CCDC181: variants seen among roughly 807,000 people sequenced by gnomAD.
The protein encoded by CCDC181 is coiled-coil domain containing 181, also known as coiled-coil domain-containing protein 181.
In CCDC181, 35 loss-of-function variants were observed where a neutral mutation model predicts 58.7. The observed-to-expected ratio is 0.60, with a 90% confidence interval of 0.46 to 0.79. CCDC181 has a LOEUF of 0.79. Ranked by LOEUF, CCDC181 falls within the 30% of genes least tolerant of loss-of-function variation. CCDC181 has a pLI of 0.00. For synonymous variants in CCDC181, 183 were observed against 197.5 expected (o/e 0.93, Z 0.62); for missense variants, 517 against 583.9 (o/e 0.89, Z 1.18).
At chr1:169,443,144 T>A (rs942753677) in intron 2 of CCDC181, 1 of 151,746 alleles carries the variant, frequency 6.6e-6, no homozygotes, top group African/African-American at 2.4e-5. Flanking sequence ...AGACCTTAAG[T>A]TTGCCTTTAA....
chr1:169,417,256 T>C (rs1341906347), intron 4 of CCDC181, among the ~76,000 whole-genome samples: 1 of 152,172 alleles, frequency 6.6e-6, no homozygotes, highest in Non-Finnish European at 1.5e-5. Flanking sequence ...CAGATATCAA[T>C]CAAAAGCCTA....
At chr1:169,421,110 A>G (rs1341555232) in intron 3 of CCDC181, among the ~76,000 whole-genome samples, 1 of 152,204 alleles carries the variant, frequency 6.6e-6, no homozygotes, top group Non-Finnish European at 1.5e-5. Flanking sequence ...TGAAAGGATC[A>G]GATGAAGTCA....
intron 2 of CCDC181, among the ~76,000 whole-genome samples, chr1:169,432,648 TGCACCATG>T (rs924038891): frequency 6.6e-6 from 1 of 152,072 alleles, no homozygotes; most frequent in African/African-American, 2.4e-5. Context: ...ACAAAGATAC[TGCACCATG>T]GCCAAAAGTG....
intron 2 of CCDC181, among the ~76,000 whole-genome samples, chr1:169,446,920 TAA>T (rs1357205576): frequency 6.6e-6 from 1 of 152,216 alleles, no homozygotes; most frequent in African/African-American, 2.4e-5. Flanking sequence ...CGAATTTTGA[TAA>T]GTTGCATTTT....
chr1:169,438,337 C>T (rs916694743), intron 2 of CCDC181, among the ~76,000 whole-genome samples: 6 of 152,034 alleles, frequency 3.9e-5, no homozygotes, highest in South Asian at 2.1e-4. Flanking sequence ...CCCTTTCTGC[C>T]GGCATACTAG....
upstream of CCDC181, among the ~76,000 whole-genome samples, chr1:169,430,214 T>C (rs145324649): frequency 2.1e-3 from 314 of 152,308 alleles, 1 homozygote; most frequent in African/African-American, 6.9e-3. Flanking sequence ...TAGTTTGAAG[T>C]TGGGTAATGT....
chr1:169,406,849 C>T (rs988087520), intron 4 of CCDC181, among the ~76,000 whole-genome samples: 10 of 150,870 alleles, frequency 6.6e-5, no homozygotes, highest in African/African-American at 1.9e-4. Context: ...AACAAACAAA[C>T]ACAACCTAAA....
chr1:169,450,792 G>T (rs1021110370), intron 2 of CCDC181, among the ~76,000 whole-genome samples: 9 of 152,126 alleles, frequency 5.9e-5, no homozygotes, highest in Non-Finnish European at 1.2e-4. Context: ...CTCTACAGCT[G>T]TTAATACTTG....
chr1:169,430,106 G>A (rs114784156), upstream of CCDC181, among the ~76,000 whole-genome samples: 2 of 152,038 alleles, frequency 1.3e-5, no homozygotes, highest in Non-Finnish European at 2.9e-5. Context: ...TCAGAGATCA[G>A]TTAGCTTCAT....
At chr1:169,417,027 A>G (rs943171849) in intron 4 of CCDC181, among the ~76,000 whole-genome samples, 2 of 152,210 alleles carry the variant, frequency 1.3e-5, no homozygotes, top group African/African-American at 4.8e-5. Flanking sequence ...CACACGCTAT[A>G]TAAATAGAAA....
In CCDC181 at chr1:169,453,033, A is replaced by G. The variant is rs372919067; in HGVS notation, c.-24+6764T>C. Among the ~76,000 whole-genome samples, 6 of 151,980 alleles carry G rather than the reference A, an allele frequency of 3.9e-5. No individual in the cohort carries two copies. The South Asian group carries it at 8.3e-4, about 21-fold the overall frequency. On this transcript the variant is annotated intron_variant, in intron 2 of 6. Coordinates refer to the CCDC181 transcript ENST00000545005. ...CTTGTTTTTTTCATTTTTTGAAGAA[A>G]TACATAATCAATGTGAAGCAAAATA... is the stretch of plus-strand genomic sequence containing the variant.
At chr1:169,451,203 A>G (rs1037952394) in intron 2 of CCDC181, 1 of 152,018 alleles carries the variant, frequency 6.6e-6, no homozygotes, top group African/African-American at 2.4e-5. Flanking sequence ...ATCCTCATAT[A>G]TGAGTTCTGG....
intron 2 of CCDC181, among the ~76,000 whole-genome samples, chr1:169,444,193 T>G (rs1657310364): frequency 1.3e-5 from 2 of 152,180 alleles, no homozygotes; most frequent in African/African-American, 2.4e-5. Context: ...TTGGGAAAAC[T>G]TCCTCTCTTG....
chr1:169,422,309 G>T lies in CCDC181; in HGVS notation c.122C>A (p.Ala41Asp). 6.6e-7 allele frequency: 1 copy of T among 1,524,648 alleles called. No homozygotes were observed. 94.4% of individuals were successfully genotyped at this position (1,524,648 alleles called of 1,614,324 possible). A position where few individuals can be genotyped will look rare whatever the true frequency, so the allele number is the denominator to read the frequency against. ...GTTAATATTCTCTTCCTTCTCACAAGCCATCTAAAAACAAGATATTTTTCA... is the reference window on the plus strand; with the variant it reads ...GTTAATATTCTCTTCCTTCTCACAATCCATCTAAAAACAAGATATTTTTCA... ...EKSDASIIEMACEKEENINQD... is the reference protein window; with the variant it reads ...EKSDASIIEMDCEKEENINQD... The change falls in exon 3 of 6, where the codon GCT becomes GAT. Residue 41 changes from alanine to aspartate, a missense_variant. Coordinates refer to ENST00000367806, the MANE Select transcript of CCDC181 (RefSeq NM_001300969.2).
intron 4 of CCDC181, among the ~76,000 whole-genome samples, chr1:169,414,977 C>G (rs1656145310): frequency 6.6e-6 from 1 of 152,060 alleles, no homozygotes; most frequent in African/African-American, 2.4e-5. Flanking sequence ...GCAAAAAATA[C>G]TACATATTCA....
chr1:169,428,181 T>C (rs1421915760), upstream of CCDC181, among the ~76,000 whole-genome samples: 2 of 152,342 alleles, frequency 1.3e-5, no homozygotes, highest in African/African-American at 4.8e-5. Context: ...TTTTTAGATA[T>C]TCTTCAAGTT....
At chr1:169,439,151 G>C (rs1346288969) in intron 2 of CCDC181, among the ~76,000 whole-genome samples, 1 of 151,936 alleles carries the variant, frequency 6.6e-6, no homozygotes, top group African/African-American at 2.4e-5. Flanking sequence ...CCATGGTAGA[G>C]CTACAGACAC....
intron 2 of CCDC181, among the ~76,000 whole-genome samples, chr1:169,438,307 C>T (rs943630462): frequency 2.0e-5 from 3 of 151,950 alleles, no homozygotes; most frequent in Non-Finnish European, 4.4e-5. Context: ...ACCAGAAACT[C>T]GTGTGGTAAG....
At chr1:169,440,877 G>T (rs866089315) in intron 2 of CCDC181, among the ~76,000 whole-genome samples, 5 of 139,896 alleles carry the variant, frequency 3.6e-5, no homozygotes, top group African/African-American at 5.2e-5. Context: ...GGAGGCTACA[G>T]TGAGTCATGA....
Sources: gnomAD v4.1 joint callset for allele counts (sites outside exome capture counted in the v4.1 genomes callset) on GRCh38, gnomAD v4.1.1 for gene constraint, MANE v1.5 for transcripts, NCBI Gene and HGNC (gene_info 2026-07-23, HGNC 2026-07-21) for gene names.